PIP4K2A: variants seen among roughly 807,000 people sequenced by gnomAD.
PIP4K2A encodes the protein phosphatidylinositol 5-phosphate 4-kinase type-2 alpha.
Under a neutral mutation model 42.9 loss-of-function variants are expected in PIP4K2A, and 14 were observed. The ratio of observed to expected loss-of-function variants is 0.33; its 90% CI spans 0.22 to 0.51. PIP4K2A has a LOEUF of 0.51. Ranked by LOEUF, PIP4K2A falls within the 20% of genes least tolerant of loss-of-function variation. The probability of loss-of-function intolerance (pLI) is 0.97; values close to 1 mark genes in which losing one functional copy is unlikely to be tolerated. For synonymous variants in PIP4K2A, 192 were observed against 192.2 expected (o/e 1.00, Z 0.01); for missense variants, 434 against 519.8 (o/e 0.83, Z 1.61).
chr10:22,593,656 T>TA (rs2130824817), intron 3 of PIP4K2A, among the ~76,000 whole-genome samples: 1 of 152,380 alleles, frequency 6.6e-6, no homozygotes, highest in South Asian at 2.1e-4. Context: ...TTAGTGGTCT[T>TA]ACTTTTTTCT....
At chr10:22,558,529 T>C (rs115687251) in intron 6 of PIP4K2A, among the ~76,000 whole-genome samples, 126 of 152,324 alleles carry the variant, frequency 8.3e-4, no homozygotes, top group African/African-American at 3.0e-3. Context: ...AATTAGTGGA[T>C]ACGGATAAAG....
chr10:22,556,694 T>C (rs1836558816), intron 6 of PIP4K2A, among the ~76,000 whole-genome samples: 1 of 152,244 alleles, frequency 6.6e-6, no homozygotes, highest in Non-Finnish European at 1.5e-5. Context: ...CCAGAAAATA[T>C]AACCAAAATA....
intron 1 of PIP4K2A, among the ~76,000 whole-genome samples, chr10:22,655,704 A>C (rs941606192): frequency 1.3e-5 from 2 of 152,262 alleles, no homozygotes; most frequent in African/African-American, 4.8e-5. Flanking sequence ...TATTTATTAA[A>C]ATGTAAACAT....
chr10:22,713,606 G>A (rs1435085609), intron 1 of PIP4K2A, among the ~76,000 whole-genome samples: 1 of 152,240 alleles, frequency 6.6e-6, no homozygotes, highest in African/African-American at 2.4e-5. Flanking sequence ...CAGTAATATT[G>A]CCTTTAAAGG....
chr10:22,639,730 T>C (rs1011859464), intron 1 of PIP4K2A, among the ~76,000 whole-genome samples: 5 of 152,218 alleles, frequency 3.3e-5, no homozygotes, highest in Non-Finnish European at 7.3e-5. Context: ...AATATCCTTT[T>C]ACTGATCCCT....
At chr10:22,538,580 C>T (rs943306924) in intron 9 of PIP4K2A, among the ~76,000 whole-genome samples, 5 of 152,214 alleles carry the variant, frequency 3.3e-5, no homozygotes, top group African/African-American at 7.2e-5. Flanking sequence ...GAGGATTCCT[C>T]GCCAGTTCTC....
intron 4 of PIP4K2A, among the ~76,000 whole-genome samples, chr10:22,587,239 A>AT (rs1256454597): frequency 3.3e-5 from 5 of 152,046 alleles, no homozygotes; most frequent in Non-Finnish European, 7.4e-5. Context: ...ACAAAGGAAA[A>AT]GAAAAAAAAA....
chr10:22,667,391 T>G (rs890267036), intron 1 of PIP4K2A, among the ~76,000 whole-genome samples: 3 of 152,224 alleles, frequency 2.0e-5, no homozygotes, highest in African/African-American at 7.2e-5. Context: ...AATACCAAAT[T>G]AGAATTATGG....
chr10:22,551,892 C>T lies in PIP4K2A; in HGVS notation c.679-1120G>A, dbSNP rs150351006. ...GTCCATCGCCTGCATCTTTCACATGCTCGAACTGTTCACTTCCCCTCCTAT... is the reference window on the plus strand; with the variant it reads ...GTCCATCGCCTGCATCTTTCACATGTTCGAACTGTTCACTTCCCCTCCTAT... On this transcript the variant is annotated intron_variant, in intron 6 of 9. Transcript: ENST00000376573. Among the ~76,000 whole-genome samples the T allele has an allele frequency of 9.8e-4, 149 of 152,318 alleles. 1 individual carries two copies. The highest frequency in any genetic ancestry group is 3.5e-3 in the African/African-American group (145 of 41,568).
rs796638031 is a variant in PIP4K2A, at chr10:22,664,169, A to G, written c.144+50014T>C. On this transcript the variant is annotated intron_variant, in intron 1 of 9. Coordinates refer to ENST00000376573, the MANE Select transcript of PIP4K2A (RefSeq NM_005028.5). ...TATATATACACATATATATATATAC[A>G]TATATATATATACATATATATACAT... Among the ~76,000 whole-genome samples the G allele has an allele frequency of 9.4e-4, 56 of 59,640 alleles. 4 individuals carry two copies. The highest frequency in any genetic ancestry group is 7.8e-3 in the Middle Eastern group (1 of 128). 39.1% of individuals were successfully genotyped at this position (59,640 alleles called of 152,430 possible).
chr10:22,642,712 T>C (rs1019518317), intron 1 of PIP4K2A, among the ~76,000 whole-genome samples: 9 of 149,596 alleles, frequency 6.0e-5, no homozygotes, highest in African/African-American at 1.2e-4. Flanking sequence ...TTGCCTCTTA[T>C]AGAGTTAAGA....
rs1430312259 is a variant in PIP4K2A, at chr10:22,714,385, T to A, written c.-59A>T. 33 of 1,269,594 alleles carry A rather than the reference T, an allele frequency of 2.6e-5. No homozygotes were observed. The highest frequency in any genetic ancestry group is 9.1e-6 in the Non-Finnish European group (9 of 989,326). 78.6% of individuals were successfully genotyped at this position (1,269,594 alleles called of 1,614,324 possible). A position where few individuals can be genotyped will look rare whatever the true frequency, so the allele number is the denominator to read the frequency against. On this transcript the variant is annotated 5_prime_UTR_variant, in exon 1 of 10. An upstream open reading frame in the 5' UTR loses its in-frame stop. Transcript: ENST00000376573. The stretch of plus-strand genomic sequence containing the variant: ...CCCGAGGCCGGGGACCCGCCCTCTC[T>A]ACACCCCGGCCCGGGGAGGCAGCCG...
intron 1 of PIP4K2A, among the ~76,000 whole-genome samples, chr10:22,640,014 C>CTTTTTTTT (rs71395806): frequency 2.2e-5 from 2 of 92,354 alleles, no homozygotes; most frequent in African/African-American, 4.1e-5. Context: ...GATGTGTTGT[C>CTTTTTTTT]TTTTTTTTTT....
At chr10:22,614,801 GTTAC>G (rs543851952) in intron 1 of PIP4K2A, among the ~76,000 whole-genome samples, 122 of 152,256 alleles carry the variant, frequency 8.0e-4, no homozygotes, top group African/African-American at 2.9e-3. Context: ...CCTTTAGCCT[GTTAC>G]TTTGCTCTTA....
At chr10:22,637,194 G>T (rs2130783472) in intron 1 of PIP4K2A, among the ~76,000 whole-genome samples, 1 of 152,262 alleles carries the variant, frequency 6.6e-6, no homozygotes, top group South Asian at 2.1e-4. Flanking sequence ...AGTGAAAATG[G>T]CCCCATGATT....
intron 1 of PIP4K2A, among the ~76,000 whole-genome samples, chr10:22,650,242 C>G (rs1390046947): frequency 6.6e-6 from 1 of 152,124 alleles, no homozygotes. Context: ...ATATCACTTA[C>G]CGTTTTTTAG....
intron 1 of PIP4K2A, among the ~76,000 whole-genome samples, chr10:22,692,786 T>C (rs1047998852): frequency 1.3e-5 from 2 of 152,206 alleles, no homozygotes; most frequent in African/African-American, 4.8e-5. Flanking sequence ...ACTACCTACA[T>C]ACCAAGGTAA....
intron 6 of PIP4K2A, among the ~76,000 whole-genome samples, chr10:22,562,822 C>A (rs1836744883): frequency 6.6e-6 from 1 of 152,164 alleles, no homozygotes; most frequent in Non-Finnish European, 1.5e-5. Flanking sequence ...TCAGCTAAGA[C>A]ACCCTGTGCA....
intron 7 of PIP4K2A, among the ~76,000 whole-genome samples, chr10:22,544,445 C>T (rs767932884): frequency 2.6e-5 from 4 of 152,186 alleles, no homozygotes; most frequent in Admixed American, 6.5e-5. Flanking sequence ...AAGCCTAGCA[C>T]GGTGCCTGGC....
Sources: allele counts gnomAD v4.1 joint callset (sites outside exome capture counted in the v4.1 genomes callset), GRCh38; gene constraint gnomAD v4.1.1; transcripts MANE v1.5; gene names NCBI Gene and HGNC (gene_info 2026-07-23, HGNC 2026-07-21).